The following VPS13D variants were observed in gnomAD, a reference collection of about 807,000 sequenced individuals.
The protein encoded by VPS13D is intermembrane lipid transfer protein VPS13D.
In VPS13D, 187 loss-of-function variants were observed where a neutral mutation model predicts 461.9. The ratio of observed to expected loss-of-function variants is 0.40; its 90% CI spans 0.36 to 0.46. The LOEUF (loss-of-function observed/expected upper bound fraction) is 0.46. VPS13D is among the 20% of genes least tolerant of loss of function. The probability of loss-of-function intolerance (pLI) is 0.60; values close to 1 mark genes in which losing one functional copy is unlikely to be tolerated. For missense variants in VPS13D, 4,711 were observed against 5,364.9 expected (o/e 0.88, Z 3.81); for synonymous variants, 1,951 against 1,986.3 (o/e 0.98, Z 0.47).
chr1:12,322,610 C>T lies in VPS13D; in HGVS notation c.7779C>T (p.Ile2593=). The T allele has an allele frequency of 1.2e-6, 2 of 1,614,218 alleles. No homozygotes were observed. The highest frequency in any genetic ancestry group is 1.7e-6 in the Non-Finnish European group (2 of 1,180,042). The part of the protein sequence containing the change: ...VQLFLAIAKS[I]PEQANAAVPD... The stretch of plus-strand genomic sequence containing the variant: ...TGTTTCTTGCCATTGCAAAATCCAT[C>T]CCAGAGCAAGCTAATGCTGCAGTGC... Residue 2593 remains isoleucine, a synonymous_variant, in exon 34 of 70, where the codon ATC becomes ATT. Coordinates refer to ENST00000620676, the MANE Select transcript of VPS13D (RefSeq NM_015378.4).
At chr1:12,475,945 A>G (rs775335946) in intron 67 of VPS13D, among the ~76,000 whole-genome samples, 2 of 152,216 alleles carry the variant, frequency 1.3e-5, no homozygotes, top group Non-Finnish European at 2.9e-5. Context: ...TTGTACAAGA[A>G]TGGTGTGTGG....
At chr1:12,331,242 G>A (rs1244039653) in intron 37 of VPS13D, among the ~76,000 whole-genome samples, 2 of 152,254 alleles carry the variant, frequency 1.3e-5, no homozygotes, top group East Asian at 1.9e-4. Context: ...TCAGAGTAGT[G>A]CTGGGCAGTC....
At chr1:12,256,226 G>C in intron 7 of VPS13D, 107 bp from the exon 8 acceptor site, 1 of 1,301,260 alleles carries the variant, frequency 7.7e-7, no homozygotes, top group East Asian at 2.3e-5. Context: ...CTGTGACACA[G>C]CCTATGGCTG....
At chr1:12,254,596 T>A (rs1640854171) in intron 7 of VPS13D, among the ~76,000 whole-genome samples, 1 of 141,082 alleles carries the variant, frequency 7.1e-6, no homozygotes, top group African/African-American at 2.6e-5. Flanking sequence ...TAATCTTGGC[T>A]CACTGAGATC....
chr1:12,319,588 G>A lies in VPS13D; in HGVS notation c.7506G>A (p.Arg2502=). The part of the protein sequence containing the change: ...KGTTVLTYKP[R]FVDRPFSGSL... ...CCACAGTGCTCACCTATAAGCCCCG[G>A]TTTGTTGATCGCCCCTTTTCAGGAA... Residue 2502 remains arginine (R), a synonymous_variant, in exon 32 of 70, where the codon CGG becomes CGA. Transcript: ENST00000620676. 1 of 1,614,180 alleles carries A rather than the reference G, an allele frequency of 6.2e-7. No homozygotes were observed. Among genetic ancestry groups the A allele is most frequent in the Non-Finnish European group, 8.5e-7 (1 of 1,180,026 alleles).
intron 27 of VPS13D, among the ~76,000 whole-genome samples, chr1:12,309,899 T>C (rs548437717): frequency 6.6e-6 from 1 of 152,200 alleles, no homozygotes; most frequent in Non-Finnish European, 1.5e-5. Flanking sequence ...AGTTTCTTTC[T>C]GGATTAATGA....
chr1:12,426,984 A>G (rs1329585219), intron 65 of VPS13D, among the ~76,000 whole-genome samples: 2 of 152,172 alleles, frequency 1.3e-5, no homozygotes, highest in African/African-American at 4.8e-5. Context: ...ATTGCACTCC[A>G]GCCTAGGCGA....
At chr1:12,271,188 G>A (rs1186625466) in intron 17 of VPS13D, 64 bp downstream of exon 17, 3 of 1,602,578 alleles carry the variant, frequency 1.9e-6, no homozygotes, top group Non-Finnish European at 2.6e-6. Flanking sequence ...TTTCCGTCAA[G>A]TCACTACTTA....
rs116176672 is a variant in VPS13D, at chr1:12,251,244, C to G, written c.564+1905C>G. 1.0e-2 allele frequency among the ~76,000 whole-genome samples: 1,517 copies of G among 152,360 alleles called. 19 individuals carry two copies. The highest frequency in any genetic ancestry group is 0.034 in the African/African-American group (1,417 of 41,592). ...CCTGCTCCTCACCCTGTGCTCCTGC[C>G]TGCCACACTGATCTCTAGAAGCTGT... On this transcript the variant is annotated intron_variant, in intron 6 of 69. Transcript: ENST00000620676.
intron 60 of VPS13D, among the ~76,000 whole-genome samples, chr1:12,393,335 G>A (rs1195595070): frequency 6.6e-6 from 1 of 152,252 alleles, no homozygotes; most frequent in Non-Finnish European, 1.5e-5. Flanking sequence ...TACCCCTGCG[G>A]TTAGGACAGT....
intron 24 of VPS13D, among the ~76,000 whole-genome samples, chr1:12,296,340 C>T (rs919852711): frequency 1.3e-5 from 2 of 152,134 alleles, no homozygotes; most frequent in Admixed American, 6.5e-5. Context: ...TATTGTCAGA[C>T]TTTTTATTTG....
intron 16 of VPS13D, 78 bp downstream of exon 16, chr1:12,268,954 G>A: frequency 1.3e-6 from 2 of 1,509,850 alleles, no homozygotes; most frequent in East Asian, 2.3e-5. Context: ...TCTGGACAAG[G>A]GTTATTCAGA....
intron 68 of VPS13D, among the ~76,000 whole-genome samples, chr1:12,501,542 CAT>C (rs1557480974): frequency 6.6e-6 from 1 of 152,220 alleles, no homozygotes; most frequent in Admixed American, 6.5e-5. Flanking sequence ...CTACTGGTAA[CAT>C]GTGTCCAGCA....
intron 18 of VPS13D, among the ~76,000 whole-genome samples, chr1:12,274,840 T>C (rs1253383121): frequency 2.6e-5 from 4 of 152,080 alleles, no homozygotes. Flanking sequence ...ACCCAGCACT[T>C]TGGGAGGCTG....
At position 12,291,252 on chromosome 1, in the gene VPS13D, T is replaced by G. The variant is rs987277921; in HGVS notation, c.5852+128T>G. The G allele has an allele frequency of 2.9e-6, 3 of 1,043,074 alleles. No homozygotes were observed. In the African/African-American group the frequency reaches 4.9e-5, roughly 17 times the overall value. 64.6% of individuals were successfully genotyped at this position (1,043,074 alleles called of 1,614,324 possible). On this transcript the variant is annotated intron_variant, in intron 23 of 69. Coordinates refer to ENST00000620676, the MANE Select transcript of VPS13D (RefSeq NM_015378.4). ...CTTCTTAGAGGTGAAATTGAGAAGTTATGGTTATGAGGAGTTCTTCCTGAC... is the reference window on the plus strand; with the variant it reads ...CTTCTTAGAGGTGAAATTGAGAAGTGATGGTTATGAGGAGTTCTTCCTGAC...
chr1:12,232,686 A>G (rs1456656694), intron 1 of VPS13D, among the ~76,000 whole-genome samples: 2 of 96,804 alleles, frequency 2.1e-5, no homozygotes, highest in Non-Finnish European at 3.8e-5. Flanking sequence ...AACACCAGTT[A>G]TTATAACAGG....
At chr1:12,467,016 C>G (rs1046439735) in intron 67 of VPS13D, among the ~76,000 whole-genome samples, 2 of 152,152 alleles carry the variant, frequency 1.3e-5, no homozygotes, top group African/African-American at 4.8e-5. Flanking sequence ...CTTGCCAAAC[C>G]AGGTCCTTCC....
intron 60 of VPS13D, among the ~76,000 whole-genome samples, chr1:12,397,138 T>A (rs1156903503): frequency 6.6e-6 from 1 of 152,216 alleles, no homozygotes; most frequent in Non-Finnish European, 1.5e-5. Context: ...TTCGCCATGT[T>A]GGCCAGGCTG....
chr1:12,235,939 C>A (rs1640133883), intron 2 of VPS13D, among the ~76,000 whole-genome samples: 1 of 152,174 alleles, frequency 6.6e-6, no homozygotes, highest in Admixed American at 6.5e-5. Flanking sequence ...CTGGTTCTGT[C>A]AGGAATCATG....
Sources: gnomAD v4.1 joint callset for allele counts (sites outside exome capture counted in the v4.1 genomes callset) on GRCh38, gnomAD v4.1.1 for gene constraint, MANE v1.5 for transcripts, NCBI Gene and HGNC (gene_info 2026-07-23, HGNC 2026-07-21) for gene names.